Variants in NSMCE2 observed in about 807,000 individuals in gnomAD.
NSMCE2 encodes the protein NSE2 SUMO ligase component of SMC5/6 complex.
NSMCE2 carries 24 observed loss-of-function variants against 23.8 expected under a neutral mutation model. That is an observed-to-expected ratio of 1.01 (90% CI 0.73 to 1.42). The LOEUF (loss-of-function observed/expected upper bound fraction) is 1.42. Ranked by LOEUF, NSMCE2 falls within the 40% of genes most tolerant of loss-of-function variation. The pLI is 0.00. For synonymous variants in NSMCE2, 92 were observed against 94.1 expected (o/e 0.98, Z 0.13); for missense variants, 284 against 296.5 (o/e 0.96, Z 0.31).
At chr8:125,144,010 G>C (rs1315810066) in intron 3 of NSMCE2, among the ~76,000 whole-genome samples, 1 of 152,206 alleles carries the variant, frequency 6.6e-6, no homozygotes, top group African/African-American at 2.4e-5. Context: ...TAATGAAGTA[G>C]TATAGAGATA....
At chr8:125,325,122 G>A (rs1829611920) in intron 5 of NSMCE2, among the ~76,000 whole-genome samples, 1 of 152,008 alleles carries the variant, frequency 6.6e-6, no homozygotes, top group Non-Finnish European at 1.5e-5. Context: ...CCTCATTAAA[G>A]ATGGGGACAG....
At chr8:125,318,200 G>A (rs996231291) in intron 5 of NSMCE2, among the ~76,000 whole-genome samples, 2 of 152,212 alleles carry the variant, frequency 1.3e-5, no homozygotes, top group East Asian at 3.9e-4. Context: ...CTTGATCTCA[G>A]GAGTTTGAGG....
At chr8:125,272,831 A>G (rs1433319309) in intron 5 of NSMCE2, among the ~76,000 whole-genome samples, 2 of 83,408 alleles carry the variant, frequency 2.4e-5, no homozygotes, top group East Asian at 5.4e-4. Context: ...ATACACATAT[A>G]TATACACACG....
chr8:125,167,775 T>A (rs997922588), intron 4 of NSMCE2, among the ~76,000 whole-genome samples: 2 of 151,436 alleles, frequency 1.3e-5, no homozygotes, highest in East Asian at 1.9e-4. Flanking sequence ...TTTTTTTTTT[T>A]ATTTTAGGAA....
At chr8:125,127,347 A>C (rs1819564504) in intron 3 of NSMCE2, among the ~76,000 whole-genome samples, 2 of 152,100 alleles carry the variant, frequency 1.3e-5, no homozygotes, top group Admixed American at 1.3e-4. Flanking sequence ...AGTAAGGGCC[A>C]TGTGTGTTTC....
At chr8:125,175,558 A>G (rs1358868711) in intron 4 of NSMCE2, among the ~76,000 whole-genome samples, 1 of 152,168 alleles carries the variant, frequency 6.6e-6, no homozygotes, top group East Asian at 1.9e-4. Context: ...GCTGTTTTGG[A>G]GAAAGTCAAT....
In NSMCE2 at chr8:125,212,324, G is replaced by T. The variant is rs111359532; in HGVS notation, c.418+30068G>T. 3.5e-3 allele frequency among the ~76,000 whole-genome samples: 537 copies of T among 152,274 alleles called. 4 individuals are homozygous for T. Among genetic ancestry groups the T allele is most frequent in the African/African-American group, 0.012 (511 of 41,544 alleles). ...GGGTTCACTCTGCAGAGCTGGGTGA[G>T]TTAGGTGGGAAGAATCTCAAAAAAG... On this transcript the variant is annotated intron_variant, in intron 5 of 7. Coordinates refer to ENST00000287437, the MANE Select transcript of NSMCE2 (RefSeq NM_173685.4).
chr8:125,199,559 C>T (rs970039727), intron 5 of NSMCE2, among the ~76,000 whole-genome samples: 1 of 151,996 alleles, frequency 6.6e-6, no homozygotes, highest in African/African-American at 2.4e-5. Context: ...TGTGATTTCT[C>T]TTCTTTTACA....
At chr8:125,094,064 A>C (rs1240917999) in intron 1 of NSMCE2, among the ~76,000 whole-genome samples, 3 of 151,324 alleles carry the variant, frequency 2.0e-5, no homozygotes, top group Non-Finnish European at 2.9e-5. Flanking sequence ...TTGCCCTTTC[A>C]AAGTGCTGGG....
intron 5 of NSMCE2, among the ~76,000 whole-genome samples, chr8:125,251,090 T>C (rs1030209546): frequency 5.3e-5 from 8 of 152,208 alleles, no homozygotes; most frequent in Non-Finnish European, 1.2e-4. Context: ...AATTTTTATG[T>C]GTGTGTTTAA....
At position 125,363,542 on chromosome 8, in the gene NSMCE2, A is replaced by AAGAT. The variant is rs781446509; in HGVS notation, c.627-3223_627-3222insTAGA. Among the ~76,000 whole-genome samples, 3 of 103,008 alleles carry AAGAT rather than the reference A, an allele frequency of 2.9e-5. No individual in the cohort carries two copies. In the Admixed American group the frequency reaches 3.2e-4, roughly 11 times the overall value. The allele number at this position is 103,008 out of a possible 152,430, so 67.6% of individuals were successfully genotyped here. On this transcript the variant is annotated intron_variant, in intron 7 of 7. Transcript: ENST00000287437. ...GAGGAGAGAAAGAAAGAAAGAAAGAAAGAGAGAGAGAGAGAGAGAGGGAGG... is the reference window on the plus strand; with the variant it reads ...GAGGAGAGAAAGAAAGAAAGAAAGAAAGATAGAGAGAGAGAGAGAGAGAGGGAGG...
At chr8:125,157,622 C>A (rs949959198) in intron 4 of NSMCE2, among the ~76,000 whole-genome samples, 4 of 152,084 alleles carry the variant, frequency 2.6e-5, no homozygotes, top group African/African-American at 9.7e-5. Context: ...AATATAGTAT[C>A]CCACTAATTG....
In NSMCE2 at chr8:125,340,015, T is replaced by TTTG. The variant is rs200624883; in HGVS notation, c.419-17202_419-17201insGTT. 1.9e-3 allele frequency among the ~76,000 whole-genome samples: 234 copies of TTTG among 122,370 alleles called. 1 individual carries two copies. The highest frequency in any genetic ancestry group is 3.0e-3 in the Non-Finnish European group (161 of 54,038). The allele number at this position is 122,370 out of a possible 152,430, so 80.3% of individuals were successfully genotyped here. On this transcript the variant is annotated intron_variant, in intron 5 of 7. Coordinates refer to ENST00000287437, the MANE Select transcript of NSMCE2 (RefSeq NM_173685.4). Reference sequence around the variant, plus strand: ...TCCGACGTTGTAGTTTTTTTTTGTTTTTTTTTTTTTTTTTTTTGAGACGGA... The same window carrying TTTG: ...TCCGACGTTGTAGTTTTTTTTTGTTTTTGTTTTTTTTTTTTTTTTTGAGACGGA...
chr8:125,120,694 C>T (rs978405010), intron 3 of NSMCE2, among the ~76,000 whole-genome samples: 5 of 152,140 alleles, frequency 3.3e-5, no homozygotes, highest in Admixed American at 2.6e-4. Context: ...TTTGCTTGTC[C>T]CTGGGTGCTG....
chr8:125,175,960 T>C (rs774827795), intron 4 of NSMCE2, among the ~76,000 whole-genome samples: 14 of 152,222 alleles, frequency 9.2e-5, no homozygotes, highest in Non-Finnish European at 1.5e-4. Flanking sequence ...AGCCTCTATA[T>C]GGACAGAGCC....
chr8:125,306,053 C>T (rs1036013097), intron 5 of NSMCE2, among the ~76,000 whole-genome samples: 7 of 152,164 alleles, frequency 4.6e-5, no homozygotes, highest in African/African-American at 1.7e-4. Flanking sequence ...CTTGGCCAGA[C>T]GCAGTGGCTC....
intron 5 of NSMCE2, among the ~76,000 whole-genome samples, chr8:125,252,494 C>G (rs1241399304): frequency 6.6e-6 from 1 of 152,180 alleles, no homozygotes; most frequent in Non-Finnish European, 1.5e-5. Context: ...CCACTGCACT[C>G]CAGCCTGGGC....
At chr8:125,279,669 C>T (rs1378918585) in intron 5 of NSMCE2, among the ~76,000 whole-genome samples, 1 of 152,144 alleles carries the variant, frequency 6.6e-6, no homozygotes, top group Non-Finnish European at 1.5e-5. Context: ...CGAGTTGAAT[C>T]ATAACTTATA....
intron 3 of NSMCE2, among the ~76,000 whole-genome samples, chr8:125,125,426 A>C (rs1819469943): frequency 1.3e-5 from 2 of 152,338 alleles, no homozygotes; most frequent in South Asian, 4.1e-4. Context: ...TTGAAGGGTG[A>C]ATTTTGAGCT....
Sources: gnomAD v4.1 joint callset for allele counts (sites outside exome capture counted in the v4.1 genomes callset) on GRCh38, gnomAD v4.1.1 for gene constraint, MANE v1.5 for transcripts, NCBI Gene and HGNC (gene_info 2026-07-23, HGNC 2026-07-21) for gene names.